The following NAA35 variants were observed in gnomAD, a reference collection of about 807,000 sequenced individuals.
NAA35 encodes the protein N-alpha-acetyltransferase 35, NatC auxiliary subunit.
A neutral mutation model predicts 101.7 loss-of-function variants in NAA35; 18 were observed. The observed-to-expected ratio is 0.18, with a 90% CI of 0.12 to 0.26. NAA35 has a LOEUF of 0.26. Among genes scored for constraint, NAA35 ranks in the 10% least tolerant of loss-of-function variants. The probability of loss-of-function intolerance (pLI) is 1.00; values close to 1 mark genes in which losing one functional copy is unlikely to be tolerated. For synonymous variants in NAA35, 267 were observed against 273.1 expected, an observed-to-expected ratio of 0.98 and a Z score of 0.22; for missense variants, 601 against 886.8, an observed-to-expected ratio of 0.68 and a Z score of 4.09.
chr9:85,948,122 C>T (rs891215383), intron 2 of NAA35, among the ~76,000 whole-genome samples: 2 of 151,994 alleles, frequency 1.3e-5, no homozygotes, highest in Non-Finnish European at 2.9e-5. Flanking sequence ...TTTTTGATTC[C>T]CTTCATCCCC....
intron 11 of NAA35, among the ~76,000 whole-genome samples, chr9:85,991,863 T>C (rs1039108300): frequency 6.6e-6 from 1 of 152,134 alleles, no homozygotes; most frequent in Non-Finnish European, 1.5e-5. Flanking sequence ...TACCCAAATA[T>C]CATAAGTGTC....
chr9:86,008,827 G>A (rs1002550746), intron 14 of NAA35, among the ~76,000 whole-genome samples: 4 of 152,124 alleles, frequency 2.6e-5, no homozygotes, highest in Non-Finnish European at 5.9e-5. Flanking sequence ...CTTTATTTTA[G>A]GAGTTCAGAA....
intron 11 of NAA35, among the ~76,000 whole-genome samples, chr9:85,989,248 G>A (rs1046139589): frequency 1.3e-5 from 2 of 152,036 alleles, no homozygotes; most frequent in African/African-American, 2.4e-5. Context: ...CAAGGTGGGC[G>A]GATCATGAGG....
chr9:85,958,538 T>G lies in NAA35; in HGVS notation c.225T>G (p.Ile75Met), dbSNP rs577757092. ...MMDPKMDAGMIGNQVNRKVLN... is the reference protein window; with the variant it reads ...MMDPKMDAGMMGNQVNRKVLN... ...ATCCCAAGATGGATGCTGGCATGAT[T>G]GGAAACCAAGTTAATCGAAAAGTTC... Residue 75 changes from isoleucine (I) to methionine (M), a missense_variant, in exon 4 of 23, where the codon ATT becomes ATG. Coordinates refer to ENST00000361671, the MANE Select transcript of NAA35 (RefSeq NM_024635.4). 300 of 1,611,804 alleles carry G rather than the reference T, an allele frequency of 1.9e-4. 2 individuals are homozygous for G. In the South Asian group the frequency reaches 3.1e-3, roughly 17 times the overall value.
intron 6 of NAA35, among the ~76,000 whole-genome samples, chr9:85,962,597 G>A (rs983351539): frequency 6.6e-6 from 1 of 151,670 alleles, no homozygotes; most frequent in Non-Finnish European, 1.5e-5. Flanking sequence ...TTTCGTCTAC[G>A]TGTATATTTA....
rs1371616343 is a variant in NAA35 at position 85,941,225 on chromosome 9, C to T, written c.-54C>T. On this transcript the variant is annotated 5_prime_UTR_variant, in exon 1 of 23. Transcript: ENST00000361671. ...GGCGGCCGAGGCGGCGTCGTTATTT[C>T]CGTGGTCCGGACAGTGCGTGGCGGC... 7 of 986,640 alleles carry T rather than the reference C, an allele frequency of 7.1e-6. No homozygotes were observed. Among genetic ancestry groups the T allele is most frequent in the Non-Finnish European group, 8.4e-6 (7 of 830,930 alleles). The allele number at this position is 986,640 out of a possible 1,614,324, so 61.1% of individuals were successfully genotyped here. A position where few individuals can be genotyped will look rare whatever the true frequency, so the allele number is the denominator to read the frequency against.
intron 5 of NAA35, among the ~76,000 whole-genome samples, chr9:85,961,645 G>A (rs745595157): frequency 4.0e-4 from 61 of 152,180 alleles, no homozygotes; most frequent in Non-Finnish European, 3.8e-4. Context: ...GGTTGTGGTG[G>A]TAAGGATTAT....
rs1238786810 is a variant in NAA35, at chr9:85,993,913, G to C, written c.878-2486G>C. On this transcript the variant is annotated intron_variant, in intron 11 of 22. Coordinates refer to ENST00000361671, the MANE Select transcript of NAA35 (RefSeq NM_024635.4). ...AGCCTCATCGTCCTGTACTCAAGCT[G>C]TCCTCCCATCTCAGCCTCCCCAGTA... 2.0e-5 allele frequency among the ~76,000 whole-genome samples: 3 copies of C among 151,830 alleles called. No individual in the cohort carries two copies. In the East Asian group the frequency reaches 5.8e-4, roughly 29 times the overall value.
rs189388586 is a variant in NAA35, at chr9:85,945,594, C to T, written c.124+3311C>T. 5.4e-4 allele frequency among the ~76,000 whole-genome samples: 81 copies of T among 151,328 alleles called. 1 individual carries two copies. In the East Asian group the frequency reaches 0.014, roughly 26 times the overall value. ...AGGCTGGAGTGCAGTGGTGCTGTCT[C>T]GGCTCACTCGACCTCCCGGGTTCAC... is the stretch of plus-strand genomic sequence containing the variant. On this transcript the variant is annotated intron_variant, in intron 2 of 22. Transcript: ENST00000361671.
intron 11 of NAA35, among the ~76,000 whole-genome samples, chr9:85,990,224 C>T (rs1370311536): frequency 6.6e-6 from 1 of 152,194 alleles, no homozygotes; most frequent in East Asian, 1.9e-4. Flanking sequence ...GGAACTAATC[C>T]GTACCTGTGA....
Position 85,976,668 on chromosome 9 carries a change from C to T in NAA35, c.628-17C>T. 1.3e-6 allele frequency: 2 copies of T among 1,555,376 alleles called. No homozygotes were observed. The highest frequency in any genetic ancestry group is 1.2e-5 in the South Asian group (1 of 82,010). ...TTTTTCAGGTTTGTGTTTAATTCAC[C>T]TTTTTTAAAATTTTAGAGTACTCGA... On this transcript the variant is annotated splice_polypyrimidine_tract_variant and intron_variant, in intron 8 of 22. Coordinates refer to ENST00000361671, the MANE Select transcript of NAA35 (RefSeq NM_024635.4).
chr9:85,978,192 A>G (rs1830294091), intron 10 of NAA35, 75 bp from the exon 11 acceptor site: 1 of 896,434 alleles, frequency 1.1e-6, no homozygotes, highest in Middle Eastern at 2.2e-4. Context: ...ATTATTGTTT[A>G]TAGGATTTTC....
In NAA35 at chr9:86,023,605, G is replaced by C. The variant is rs998603647; in HGVS notation, c.*1645G>C. 1.4e-4 allele frequency among the ~76,000 whole-genome samples: 21 copies of C among 152,168 alleles called. No homozygotes were observed. Among genetic ancestry groups the C allele is most frequent in the African/African-American group, 5.1e-4 (21 of 41,424 alleles). On this transcript the variant is annotated 3_prime_UTR_variant, in exon 23 of 23. Transcript: ENST00000361671. ...AGCAAAAAAAGGAATGTAGATTAAT[G>C]CAACAAGGGCCCTGCTAGATGATGG... is the stretch of plus-strand genomic sequence containing the variant.
chr9:86,000,431 G>A (rs1479455556), intron 12 of NAA35, among the ~76,000 whole-genome samples: 1 of 150,038 alleles, frequency 6.7e-6, no homozygotes, highest in African/African-American at 2.4e-5. Context: ...TTGGGGAGAA[G>A]TCCCTCCTCA....
At chr9:85,955,246 C>T (rs1829190714) in intron 2 of NAA35, among the ~76,000 whole-genome samples, 1 of 148,486 alleles carries the variant, frequency 6.7e-6, no homozygotes, top group Non-Finnish European at 1.5e-5. Context: ...TATTATTTAA[C>T]TTACAGTTGG....
At chr9:85,968,085 T>G (rs938743521) in intron 6 of NAA35, among the ~76,000 whole-genome samples, 1 of 152,188 alleles carries the variant, frequency 6.6e-6, no homozygotes, top group South Asian at 2.1e-4. Flanking sequence ...TGCAGATGCC[T>G]TGAATCGGGG....
At chr9:85,964,178 A>G (rs1276342514) in intron 6 of NAA35, among the ~76,000 whole-genome samples, 2 of 150,710 alleles carry the variant, frequency 1.3e-5, no homozygotes, top group African/African-American at 2.4e-5. Flanking sequence ...ATTTCAGATT[A>G]ACAGCAATTA....
At position 86,005,874 on chromosome 9, in the gene NAA35, TAA is replaced by T. The variant is rs879527183; in HGVS notation, c.1117-1472_1117-1471del. Among the ~76,000 whole-genome samples the T allele has an allele frequency of 5.4e-3, 785 of 145,792 alleles. 4 individuals are homozygous for T. Among genetic ancestry groups the T allele is most frequent in the African/African-American group, 0.019 (748 of 40,008 alleles). On this transcript the variant is annotated intron_variant, in intron 13 of 22. Coordinates refer to ENST00000361671, the MANE Select transcript of NAA35 (RefSeq NM_024635.4). ...TACTATTCACCTTTCAGAATATCTT[TAA>T]AAAAAAAAAAATCTGGCCAGGCATG...
At chr9:86,006,962 A>T (rs1831671355) in intron 13 of NAA35, among the ~76,000 whole-genome samples, 1 of 152,214 alleles carries the variant, frequency 6.6e-6, no homozygotes, top group Non-Finnish European at 1.5e-5. Context: ...AAAAAATATT[A>T]AAAATATTTG....
Sources: gnomAD v4.1 joint callset for allele counts (sites outside exome capture counted in the v4.1 genomes callset) on GRCh38, gnomAD v4.1.1 for gene constraint, MANE v1.5 for transcripts, NCBI Gene and HGNC (gene_info 2026-07-23, HGNC 2026-07-21) for gene names.